Variants in NOL4L observed in about 807,000 individuals in gnomAD.
NOL4L encodes the protein nucleolar protein 4 like.
NOL4L carries 7 observed loss-of-function variants against 64.5 expected under a neutral mutation model. That is an observed-to-expected ratio of 0.11 (90% confidence interval 0.06 to 0.20). NOL4L has a LOEUF of 0.20. Ranked by LOEUF, NOL4L falls within the 10% of genes least tolerant of loss-of-function variation. The pLI, the probability that NOL4L is intolerant of heterozygous loss-of-function variation, is 1.00. For missense variants in NOL4L, 680 were observed against 967.1 expected (o/e 0.70, Z 3.94); for synonymous variants, 413 against 401.0 (o/e 1.03, Z -0.36).
intron 1 of NOL4L, among the ~76,000 whole-genome samples, chr20:32,571,779 T>C (rs1979758588): frequency 6.6e-6 from 1 of 152,136 alleles, no homozygotes; most frequent in African/African-American, 2.4e-5. Context: ...CTGGGCTGGG[T>C]GTGGGGCTGC....
At position 32,584,061 on chromosome 20, in the gene NOL4L, C is replaced by A. The variant is rs1246077353; in HGVS notation, c.321+509G>T. 2.1e-5 allele frequency among the ~76,000 whole-genome samples: 3 copies of A among 142,740 alleles called. No homozygotes were observed. The East Asian group carries it at 7.2e-4, about 34-fold the overall frequency. The allele number at this position is 142,740 out of a possible 152,430, so 93.6% of individuals were successfully genotyped here. A position where few individuals can be genotyped will look rare whatever the true frequency, so the allele number is the denominator to read the frequency against. On this transcript the variant is annotated intron_variant, in intron 1 of 10. Transcript: ENST00000621426. ...CCTCCCCTGGCGCTGGGAGGCCCGG[C>A]GGACTCCCCGTCCCGCGGCTGCCCC...
At chr20:32,449,530 G>A (rs959198705) in intron 10 of NOL4L, among the ~76,000 whole-genome samples, 6 of 152,234 alleles carry the variant, frequency 3.9e-5, no homozygotes, top group Admixed American at 3.9e-4. Flanking sequence ...TTTCCTCTCC[G>A]GCCAGAGAAT....
intron 5 of NOL4L, chr20:32,465,246 G>A: frequency 2.4e-6 from 1 of 424,890 alleles, no homozygotes; most frequent in East Asian, 3.6e-5. Context: ...AGACATCAGG[G>A]AGGAACCAGA....
intron 1 of NOL4L, among the ~76,000 whole-genome samples, chr20:32,575,596 G>A (rs560803914): frequency 1.3e-5 from 2 of 152,290 alleles, no homozygotes; most frequent in Admixed American, 6.5e-5. Flanking sequence ...GACATCTGCT[G>A]AACCACCCTG....
intron 1 of NOL4L, among the ~76,000 whole-genome samples, chr20:32,529,986 C>A (rs978844750): frequency 2.0e-5 from 3 of 152,208 alleles, no homozygotes; most frequent in African/African-American, 7.2e-5. Context: ...GTATCCCACC[C>A]CCTCCGACAT....
At chr20:32,471,554 C>G (rs904198907) in intron 5 of NOL4L, among the ~76,000 whole-genome samples, 1 of 152,200 alleles carries the variant, frequency 6.6e-6, no homozygotes, top group African/African-American at 2.4e-5. Flanking sequence ...AGCTGTAGAT[C>G]TGTGCTAACT....
At chr20:32,552,861 G>A (rs929940323) in intron 1 of NOL4L, among the ~76,000 whole-genome samples, 7 of 151,378 alleles carry the variant, frequency 4.6e-5, no homozygotes, top group Admixed American at 1.3e-4. Flanking sequence ...AAAATTAGCC[G>A]GGCATGGTGG....
chr20:32,488,758 C>G (rs1476371390), intron 4 of NOL4L, among the ~76,000 whole-genome samples: 1 of 52,880 alleles, frequency 1.9e-5, no homozygotes, highest in Non-Finnish European at 3.1e-5. Flanking sequence ...TTCCTTCCTT[C>G]CTTCCTTCCT....
chr20:32,583,428 G>A (rs1269918371), intron 1 of NOL4L, among the ~76,000 whole-genome samples: 1 of 149,492 alleles, frequency 6.7e-6, no homozygotes, highest in African/African-American at 2.4e-5. Flanking sequence ...GCGCGGGGCG[G>A]GCGGGCCGGC....
At chr20:32,458,545 G>A (rs1330597525) in intron 5 of NOL4L, among the ~76,000 whole-genome samples, 3 of 152,314 alleles carry the variant, frequency 2.0e-5, no homozygotes, top group Middle Eastern at 3.4e-3. Flanking sequence ...GAGCCTCCAC[G>A]GGGGACAGGG....
Position 32,444,600 on chromosome 20 carries a change from TA to T in NOL4L, c.*2995del, listed in dbSNP as rs1156571268. 1 of 152,224 alleles carries T rather than the reference TA, an allele frequency of 6.6e-6. No individual in the cohort carries two copies. The highest frequency in any genetic ancestry group is 1.5e-5 in the Non-Finnish European group (1 of 68,046). 9.4% of individuals were successfully genotyped at this position (152,224 alleles called of 1,614,324 possible). A position where few individuals can be genotyped will look rare whatever the true frequency, so the allele number is the denominator to read the frequency against. ...ACGGTAAAATGAATTTCAGATGGGT[TA>T]CACACACTATCACTTGTCTACCTGA... On this transcript the variant is annotated 3_prime_UTR_variant, in exon 11 of 11. Transcript: ENST00000621426.
intron 4 of NOL4L, among the ~76,000 whole-genome samples, chr20:32,488,821 CTTTCTTTTT>C (rs2016285483): frequency 9.6e-5 from 3 of 31,124 alleles, no homozygotes; most frequent in Admixed American, 7.2e-4. Context: ...TTCTTTCTTT[CTTTCTTTTT>C]CTTTCTTTCT....
intron 1 of NOL4L, among the ~76,000 whole-genome samples, chr20:32,561,591 AC>A (rs1979021797): frequency 1.3e-5 from 2 of 152,012 alleles, no homozygotes; most frequent in Non-Finnish European, 1.5e-5. Flanking sequence ...GAGGGGATTA[AC>A]TGGGCCCTGG....
At position 32,526,887 on chromosome 20, in the gene NOL4L, G is replaced by A. The variant is rs146071034; in HGVS notation, c.477+871C>T. 1.3e-3 allele frequency among the ~76,000 whole-genome samples: 197 copies of A among 152,326 alleles called. No individual in the cohort carries two copies. The Middle Eastern group carries it at 0.017, about 13-fold the overall frequency. ...TGGTTCAGAGCTATGTATGAGCTGT[G>A]GATAGGCCCACATGTGGGTCAGCAG... is the stretch of plus-strand genomic sequence containing the variant. On this transcript the variant is annotated intron_variant, in intron 2 of 10. Transcript: ENST00000621426.
At chr20:32,469,194 A>G (rs2014812528) in intron 5 of NOL4L, among the ~76,000 whole-genome samples, 1 of 152,168 alleles carries the variant, frequency 6.6e-6, no homozygotes, top group African/African-American at 2.4e-5. Flanking sequence ...TGGCTGGCCC[A>G]CATCAGTGTC....
At chr20:32,580,425 G>A (rs1233715941) in intron 1 of NOL4L, among the ~76,000 whole-genome samples, 6 of 152,316 alleles carry the variant, frequency 3.9e-5, no homozygotes, top group Admixed American at 1.3e-4. Context: ...CCAGACCAGC[G>A]GCCGCAGGTG....
chr20:32,561,352 C>G (rs944610601), intron 1 of NOL4L, among the ~76,000 whole-genome samples: 1 of 152,204 alleles, frequency 6.6e-6, no homozygotes, highest in East Asian at 1.9e-4. Flanking sequence ...AAAATCCCGA[C>G]GCTGGAATGC....
intron 1 of NOL4L, among the ~76,000 whole-genome samples, chr20:32,552,103 A>G (rs1978338023): frequency 6.6e-6 from 1 of 152,176 alleles, no homozygotes; most frequent in Non-Finnish European, 1.5e-5. Flanking sequence ...TCATATTTTA[A>G]ATGGGTGAAT....
At chr20:32,584,135 A>ACACG (rs1363465531) in intron 1 of NOL4L, among the ~76,000 whole-genome samples, 1 of 94,292 alleles carries the variant, frequency 1.1e-5, no homozygotes, top group Admixed American at 1.1e-4. Flanking sequence ...CCGCGCGCGC[A>ACACG]CACACACACA....
Sources: allele counts gnomAD v4.1 joint callset (sites outside exome capture counted in the v4.1 genomes callset), GRCh38; gene constraint gnomAD v4.1.1; transcripts MANE v1.5; gene names NCBI Gene and HGNC (gene_info 2026-07-23, HGNC 2026-07-21).